SERPINI2: variants seen among roughly 807,000 people sequenced by gnomAD.
The protein encoded by SERPINI2 is serpin I2.
In SERPINI2, 48 loss-of-function variants were observed where a neutral mutation model predicts 47.3. That is an observed-to-expected ratio of 1.02 (90% CI 0.81 to 1.29). The LOEUF (loss-of-function observed/expected upper bound fraction) is 1.29, where lower values mean the gene tolerates loss of function less well. SERPINI2 is among the 50% of genes most tolerant of loss of function. The probability of loss-of-function intolerance (pLI) is 0.00; values close to 1 mark genes in which losing one functional copy is unlikely to be tolerated. For missense variants in SERPINI2, 448 were observed against 456.9 expected (o/e 0.98, Z 0.18); for synonymous variants, 135 against 149.3 (o/e 0.90, Z 0.70).
At chr3:167,465,509 T>C in exon 4 of SERPINI2, 1 of 1,613,862 alleles carries the variant, frequency 6.2e-7, no homozygotes, top group Non-Finnish European at 8.5e-7. Context: ...GCCTTCATCA[T>C]TGGAATTTTG....
rs774251153 is a variant in SERPINI2 at position 167,457,331 on chromosome 3, A to G, written c.867-4298T>C. On this transcript the variant is annotated intron_variant, in intron 5 of 8. Transcript: ENST00000264677. The stretch of plus-strand genomic sequence containing the variant: ...GAAGTATATCCTAGACCTCTCTAGA[A>G]GTCCATGGTGCCCAGGTAAGGACTA... 4.8e-4 allele frequency among the ~76,000 whole-genome samples: 73 copies of G among 152,242 alleles called. 1 individual carries two copies. Among genetic ancestry groups the G allele is most frequent in the Non-Finnish European group, 2.2e-4 (15 of 68,034 alleles).
At chr3:167,471,755 G>A in exon 2 of SERPINI2, 2 of 1,613,548 alleles carry the variant, frequency 1.2e-6, no homozygotes, top group Non-Finnish European at 1.7e-6. Flanking sequence ...TGCAAATTCG[G>A]TATTTTTTTG....
chr3:167,461,555 G>A (rs573966034), intron 5 of SERPINI2, among the ~76,000 whole-genome samples: 3 of 151,920 alleles, frequency 2.0e-5, no homozygotes, highest in Admixed American at 6.5e-5. Flanking sequence ...TGACGAGGGC[G>A]TAAGCTATTT....
chr3:167,457,381 C>T (rs1749824152), intron 5 of SERPINI2, among the ~76,000 whole-genome samples: 1 of 152,204 alleles, frequency 6.6e-6, no homozygotes, highest in African/African-American at 2.4e-5. Flanking sequence ...GAATTCACAG[C>T]CCTCTTGTTT....
intron 2 of SERPINI2, among the ~76,000 whole-genome samples, chr3:167,470,579 T>TTTTTTTTG (rs1750282022): frequency 8.3e-6 from 1 of 119,802 alleles, no homozygotes; most frequent in African/African-American, 3.1e-5. Context: ...TTTTTTTTTT[T>TTTTTTTTG]GGAGAAGGAG....
chr3:167,444,115 G>A lies in SERPINI2; in HGVS notation c.1142-1930C>T, dbSNP rs1050557251. Among the ~76,000 whole-genome samples, 6 of 152,110 alleles carry A rather than the reference G, an allele frequency of 3.9e-5. No individual in the cohort carries two copies. In the East Asian group the frequency reaches 1.2e-3, roughly 29 times the overall value. ...TCCCCTCAACACACAACCCAAAAGA[G>A]TTCTAAACACAATAACTTTCATTAT... On this transcript the variant is annotated intron_variant, in intron 8 of 8. Transcript: ENST00000264677.
intron 6 of SERPINI2, among the ~76,000 whole-genome samples, chr3:167,449,848 A>C (rs552398542): frequency 6.6e-6 from 1 of 152,216 alleles, no homozygotes; most frequent in Non-Finnish European, 1.5e-5. Context: ...ACTTTTTCCT[A>C]TTTAGTCAAT....
chr3:167,464,460 G>C (rs1750076181), intron 5 of SERPINI2, among the ~76,000 whole-genome samples: 1 of 151,542 alleles, frequency 6.6e-6, no homozygotes, highest in South Asian at 2.1e-4. Context: ...GGAAAAGGAA[G>C]TAAAAACCAA....
intron 2 of SERPINI2, among the ~76,000 whole-genome samples, chr3:167,470,550 C>CTTTTTTTTTTTTTTTTTTTTTTTTTT (rs536884425): frequency 1.1e-5 from 1 of 93,048 alleles, no homozygotes; most frequent in Non-Finnish European, 1.9e-5. Context: ...TGAGCAACAA[C>CTTTTTTTTTTTTTTTTTTTTTTTTTT]TTTTTTTTTT....
intron 1 of SERPINI2, 98 bp downstream of exon 1, chr3:167,473,905 A>C: frequency 8.5e-7 from 1 of 1,174,110 alleles, no homozygotes; most frequent in Non-Finnish European, 1.1e-6. Context: ...TTTACACCAA[A>C]GTAAATTGAA....
rs114371481 is a variant in SERPINI2, at chr3:167,454,638, C to A, written c.867-1605G>T. Among the ~76,000 whole-genome samples the A allele has an allele frequency of 1.3e-3, 200 of 152,252 alleles. 1 individual carries two copies. Among genetic ancestry groups the A allele is most frequent in the Non-Finnish European group, 2.0e-3 (136 of 68,014 alleles). On this transcript the variant is annotated intron_variant, in intron 5 of 8. Transcript: ENST00000264677. ...GACAAAAATACTGCAAGACTTATTA[C>A]AACTTCTAATAATGCCTAATTATCA...
exon 5 of SERPINI2, chr3:167,465,351 A>G: frequency 1.2e-6 from 2 of 1,610,630 alleles, no homozygotes; most frequent in Non-Finnish European, 1.7e-6. Flanking sequence ...TCACCTTTGT[A>G]AGACAATTCT....
chr3:167,475,214 A>T (rs1450934502), upstream of SERPINI2, among the ~76,000 whole-genome samples: 2 of 151,814 alleles, frequency 1.3e-5, no homozygotes, highest in African/African-American at 4.8e-5. Context: ...AACTTAACAC[A>T]GAGATAATTT....
chr3:167,460,234 C>T (rs924229021), intron 5 of SERPINI2, among the ~76,000 whole-genome samples: 5 of 152,210 alleles, frequency 3.3e-5, no homozygotes, highest in Admixed American at 1.3e-4. Context: ...AACCATTTCA[C>T]ATTTATTCAG....
At chr3:167,469,703 T>C (rs996972146) in intron 2 of SERPINI2, 4 of 152,284 alleles carry the variant, frequency 2.6e-5, no homozygotes, top group African/African-American at 9.6e-5. Flanking sequence ...TCAGAGCAGA[T>C]GTTTTGACAA....
At chr3:167,460,295 C>T (rs1749948619) in intron 5 of SERPINI2, among the ~76,000 whole-genome samples, 1 of 152,210 alleles carries the variant, frequency 6.6e-6, no homozygotes, top group Non-Finnish European at 1.5e-5. Context: ...TGCCAGTCTA[C>T]CCCAAACATT....
At chr3:167,471,012 CAAAT>C (rs1560237372) in intron 2 of SERPINI2, among the ~76,000 whole-genome samples, 1 of 152,006 alleles carries the variant, frequency 6.6e-6, no homozygotes, top group African/African-American at 2.4e-5. Flanking sequence ...AAACTAGTAA[CAAAT>C]AAGCTTTTAA....
rs538752917 is a variant in SERPINI2, at chr3:167,443,387, G to A, written c.1142-1202C>T. 8.4e-4 allele frequency among the ~76,000 whole-genome samples: 128 copies of A among 152,296 alleles called. 1 individual carries two copies. Among genetic ancestry groups the A allele is most frequent in the Admixed American group, 2.9e-3 (45 of 15,296 alleles). On this transcript the variant is annotated intron_variant, in intron 8 of 8. Coordinates refer to ENST00000264677, the Ensembl canonical transcript of SERPINI2. ...CTCCCAAAGTGCTGGGATTACAGGC[G>A]TGAGCCACCGCGCCTGGCCCAGATT...
intron 8 of SERPINI2, among the ~76,000 whole-genome samples, chr3:167,443,766 C>T (rs1367121861): frequency 2.0e-5 from 3 of 152,186 alleles, no homozygotes; most frequent in African/African-American, 7.2e-5. Context: ...CCAGCCTTTT[C>T]AATCTGTCTC....
Sources: allele counts gnomAD v4.1 joint callset (sites outside exome capture counted in the v4.1 genomes callset), GRCh38; gene constraint gnomAD v4.1.1; transcripts MANE v1.5; gene names NCBI Gene and HGNC (gene_info 2026-07-23, HGNC 2026-07-21).